Variants in ENPP2 observed in about 807,000 individuals in gnomAD.
ENPP2 encodes the protein ectonucleotide pyrophosphatase/phosphodiesterase 2, also known as autotaxin.
Under a neutral mutation model 120.2 loss-of-function variants are expected in ENPP2, and 51 were observed. The observed-to-expected ratio is 0.42, with a 90% CI of 0.34 to 0.54. The LOEUF is 0.54. Among genes scored for constraint, ENPP2 ranks in the 20% least tolerant of loss-of-function variants. The pLI is 0.04. For missense variants in ENPP2, 920 were observed against 1,066.5 expected, an observed-to-expected ratio of 0.86 and a Z score of 1.91; for synonymous variants, 365 against 366.4, an observed-to-expected ratio of 1.00 and a Z score of 0.04.
At chr8:119,663,623 G>A (rs997937351) in intron 1 of ENPP2, among the ~76,000 whole-genome samples, 1 of 152,050 alleles carries the variant, frequency 6.6e-6, no homozygotes, top group Non-Finnish European at 1.5e-5. Flanking sequence ...GCAATATTTT[G>A]TTCTGTCAGG....
chr8:119,565,880 GCA>G (rs138379605), intron 22 of ENPP2, among the ~76,000 whole-genome samples: 5,713 of 150,068 alleles, frequency 0.038, 176 homozygotes, highest in East Asian at 0.11. Context: ...GCACGCACAT[GCA>G]CACACACACA....
chr8:119,657,652 C>G (rs1817805593), intron 1 of ENPP2, among the ~76,000 whole-genome samples: 1 of 152,228 alleles, frequency 6.6e-6, no homozygotes, highest in African/African-American at 2.4e-5. Context: ...CCTAACCTCT[C>G]TGAAATACCC....
rs751350102 is a variant in ENPP2, at chr8:119,570,850, GA to G, written c.1781-10del. 32 of 1,524,384 alleles carry G rather than the reference GA, an allele frequency of 2.1e-5. No individual in the cohort carries two copies. Among genetic ancestry groups the G allele is most frequent in the South Asian group, 1.3e-4 (10 of 75,702 alleles). The allele number at this position is 1,524,384 out of a possible 1,614,324, so 94.4% of individuals were successfully genotyped here. A position where few individuals can be genotyped will look rare whatever the true frequency, so the allele number is the denominator to read the frequency against. The stretch of plus-strand genomic sequence containing the variant: ...ATAGAGGAGGTGTCTCTCTAAAAAA[GA>G]AAAAAAATAAACTGTGTTAGGTGCA... On this transcript the variant is annotated splice_polypyrimidine_tract_variant and intron_variant, in intron 19 of 24. Transcript: ENST00000075322.
At chr8:119,656,706 A>T (rs1234295333) in intron 1 of ENPP2, among the ~76,000 whole-genome samples, 1 of 152,300 alleles carries the variant, frequency 6.6e-6, no homozygotes, top group South Asian at 2.1e-4. Flanking sequence ...GAATACAGTT[A>T]TCTCCTGAAT....
chr8:119,591,438 T>C (rs1461934003), intron 12 of ENPP2, among the ~76,000 whole-genome samples: 2 of 152,246 alleles, frequency 1.3e-5, no homozygotes, highest in Non-Finnish European at 2.9e-5. Flanking sequence ...TTTAAAACAT[T>C]GTTGTAAACT....
intron 9 of ENPP2, among the ~76,000 whole-genome samples, chr8:119,602,287 G>A (rs1814369047): frequency 2.6e-5 from 4 of 151,886 alleles, no homozygotes; most frequent in Admixed American, 2.0e-4. Flanking sequence ...GCAAAACCCC[G>A]TCACTACTAA....
At chr8:119,570,955 T>C in intron 19 of ENPP2, 114 bp from the exon 20 acceptor site, 1 of 549,840 alleles carries the variant, frequency 1.8e-6, no homozygotes, top group Non-Finnish European at 3.0e-6. Context: ...TTATTATTAA[T>C]ATAGCACCTT....
chr8:119,631,508 G>T (rs1054332926), intron 2 of ENPP2, among the ~76,000 whole-genome samples: 1 of 151,982 alleles, frequency 6.6e-6, no homozygotes. Flanking sequence ...GAGCCACCAC[G>T]CCCAGTCTAT....
At chr8:119,652,525 TATGCA>T (rs149385279) in intron 1 of ENPP2, among the ~76,000 whole-genome samples, 5,372 of 152,248 alleles carry the variant, frequency 0.035, 302 homozygotes, top group African/African-American at 0.12. Context: ...AGATTGTCAT[TATGCA>T]CATGAGATTT....
chr8:119,621,609 G>C, intron 3 of ENPP2, 90 bp from the exon 4 acceptor site: 1 of 1,396,956 alleles, frequency 7.2e-7, no homozygotes, highest in South Asian at 1.2e-5. Context: ...AATGAAGAAA[G>C]CTAAAATCTC....
At chr8:119,660,669 A>C (rs1817894394) in intron 1 of ENPP2, among the ~76,000 whole-genome samples, 1 of 152,242 alleles carries the variant, frequency 6.6e-6, no homozygotes, top group Non-Finnish European at 1.5e-5. Context: ...CATTCTAAAA[A>C]TGAGAATAAC....
At chr8:119,594,798 C>A (rs1490993520) in intron 11 of ENPP2, among the ~76,000 whole-genome samples, 2 of 151,716 alleles carry the variant, frequency 1.3e-5, no homozygotes, top group Admixed American at 6.5e-5. Flanking sequence ...CATAAATATA[C>A]CCAAGATGAT....
chr8:119,631,722 C>T (rs4871420), intron 2 of ENPP2, among the ~76,000 whole-genome samples: 46,005 of 152,064 alleles, frequency 0.3, 8,056 homozygotes, highest in African/African-American at 0.47. Context: ...TCTTCTTTCA[C>T]GACAAGCTCT....
intron 3 of ENPP2, among the ~76,000 whole-genome samples, chr8:119,625,234 C>G (rs572364877): frequency 6.6e-6 from 1 of 152,306 alleles, no homozygotes; most frequent in East Asian, 1.9e-4. Flanking sequence ...GCTGGAACAT[C>G]TGTTCCATCT....
intron 11 of ENPP2, 54 bp from the exon 12 acceptor site, chr8:119,593,914 G>C: frequency 2.0e-6 from 2 of 1,001,938 alleles, no homozygotes; most frequent in Non-Finnish European, 3.2e-6. Context: ...TTCCCTTTCA[G>C]TCTCTCATAG....
chr8:119,647,784 T>A (rs1587569285), intron 1 of ENPP2, among the ~76,000 whole-genome samples: 1 of 152,066 alleles, frequency 6.6e-6, no homozygotes, highest in Non-Finnish European at 1.5e-5. Flanking sequence ...GCGGGTGGAT[T>A]ACCTGAGGTC....
intron 2 of ENPP2, among the ~76,000 whole-genome samples, chr8:119,627,564 T>C (rs1038595057): frequency 3.3e-5 from 5 of 152,006 alleles, no homozygotes; most frequent in African/African-American, 1.2e-4. Context: ...AAAAAAATTT[T>C]TAAGATCTAA....
intron 9 of ENPP2, among the ~76,000 whole-genome samples, chr8:119,602,746 G>A (rs756126966): frequency 2.6e-5 from 4 of 152,232 alleles, no homozygotes; most frequent in South Asian, 2.1e-4. Flanking sequence ...TTCACTCCCC[G>A]ATCCAAGACC....
rs1815895825 is a variant in ENPP2, at chr8:119,621,528, A to G, written c.293-9T>C. 6.2e-7 allele frequency: 1 copy of G among 1,611,974 alleles called. No homozygotes were observed. The highest frequency in any genetic ancestry group is 8.5e-7 in the Non-Finnish European group (1 of 1,178,780). On this transcript the variant is annotated splice_polypyrimidine_tract_variant and intron_variant, in intron 3 of 24. Transcript: ENST00000075322. ...ACACTCCCAGCCACGGGCTAAAATC[A>G]TCCCAATAAAACATTTTCACTGCTG...
Sources: allele counts gnomAD v4.1 joint callset (sites outside exome capture counted in the v4.1 genomes callset), GRCh38; gene constraint gnomAD v4.1.1; transcripts MANE v1.5; gene names NCBI Gene and HGNC (gene_info 2026-07-23, HGNC 2026-07-21).